FSTL4: variants seen among roughly 807,000 people sequenced by gnomAD.
FSTL4 encodes the protein follistatin like 4.
In FSTL4, 28 loss-of-function variants were observed where a neutral mutation model predicts 78.2. That is an observed-to-expected ratio of 0.36 (90% CI 0.27 to 0.49). The LOEUF (loss-of-function observed/expected upper bound fraction) is 0.49. Ranked by LOEUF, FSTL4 falls within the 20% of genes least tolerant of loss-of-function variation. The probability of loss-of-function intolerance (pLI) is 0.98; values close to 1 mark genes in which losing one functional copy is unlikely to be tolerated. For missense variants in FSTL4, 922 were observed against 1,084.9 expected, an observed-to-expected ratio of 0.85 and a Z score of 2.11; for synonymous variants, 422 against 440.5, an observed-to-expected ratio of 0.96 and a Z score of 0.53.
the FSTL4 span, among the ~76,000 whole-genome samples, chr5:133,806,758 T>G: frequency 6.6e-6 from 1 of 152,200 alleles, no homozygotes; most frequent in Non-Finnish European, 1.5e-5. Context: ...ATTACTGGTA[T>G]TAGCTTCTGG....
chr5:133,316,881 G>A (rs1325311170), intron 4 of FSTL4, among the ~76,000 whole-genome samples: 1 of 152,126 alleles, frequency 6.6e-6, no homozygotes. Context: ...AAATGCTGGA[G>A]GGAATCTGTC....
the FSTL4 span, among the ~76,000 whole-genome samples, chr5:133,815,338 T>C: frequency 6.6e-6 from 1 of 152,208 alleles, no homozygotes; most frequent in Non-Finnish European, 1.5e-5. Context: ...ATGATTTTTC[T>C]GGGAAGGGTG....
chr5:133,498,866 T>C (rs545850106), intron 3 of FSTL4, among the ~76,000 whole-genome samples: 166 of 152,234 alleles, frequency 1.1e-3, no homozygotes, highest in African/African-American at 3.8e-3. Context: ...CTGGGGCCTG[T>C]CTTCTGTGAG....
In FSTL4 at chr5:133,466,498, C is replaced by T. The variant is rs191441881; in HGVS notation, c.161-65512G>A. Among the ~76,000 whole-genome samples, 156 of 151,664 alleles carry T rather than the reference C, an allele frequency of 1.0e-3. 1 individual carries two copies. Among genetic ancestry groups the T allele is most frequent in the Middle Eastern group, 3.4e-3 (1 of 294 alleles). Reference sequence around the variant, plus strand: ...CGGAGCTTGCAGTGAGCCGAGATAGCGCCACTGCAGTCCGGCCTGGGCGAA... The same window carrying T: ...CGGAGCTTGCAGTGAGCCGAGATAGTGCCACTGCAGTCCGGCCTGGGCGAA... On this transcript the variant is annotated intron_variant, in intron 3 of 15. Coordinates refer to ENST00000265342, the MANE Select transcript of FSTL4 (RefSeq NM_015082.2).
chr5:133,565,368 G>C (rs1760004305), intron 3 of FSTL4, among the ~76,000 whole-genome samples: 1 of 152,160 alleles, frequency 6.6e-6, no homozygotes, highest in African/African-American at 2.4e-5. Flanking sequence ...AAAATACTTA[G>C]AACCAGCCGG....
At chr5:133,506,622 CG>C (rs35061793) in intron 3 of FSTL4, among the ~76,000 whole-genome samples, 3 of 152,120 alleles carry the variant, frequency 2.0e-5, no homozygotes, top group African/African-American at 7.2e-5. Context: ...ACCTCTGTAA[CG>C]GGGGAATAAT....
At chr5:133,741,149 G>C in the FSTL4 span, among the ~76,000 whole-genome samples, 1 of 152,222 alleles carries the variant, frequency 6.6e-6, no homozygotes, top group Non-Finnish European at 1.5e-5. Flanking sequence ...TAGGTTTCCA[G>C]ACACGCCTAT....
chr5:133,675,868 G>C, the FSTL4 span, among the ~76,000 whole-genome samples: 1 of 152,198 alleles, frequency 6.6e-6, no homozygotes, highest in African/African-American at 2.4e-5. Context: ...TCACTCCTGA[G>C]GCTAGCCAGG....
At chr5:133,380,511 G>A (rs1224792564) in intron 4 of FSTL4, among the ~76,000 whole-genome samples, 7 of 151,968 alleles carry the variant, frequency 4.6e-5, no homozygotes, top group Admixed American at 1.3e-4. Flanking sequence ...AACTATATAA[G>A]TAAAGAGATT....
chr5:133,281,811 G>T (rs1753015880), intron 6 of FSTL4, among the ~76,000 whole-genome samples: 1 of 152,120 alleles, frequency 6.6e-6, no homozygotes, highest in Non-Finnish European at 1.5e-5. Context: ...GCATGGGTTG[G>T]GTCTCAAAGG....
chr5:133,721,858 A>G, the FSTL4 span, among the ~76,000 whole-genome samples: 6 of 152,182 alleles, frequency 3.9e-5, no homozygotes, highest in African/African-American at 1.4e-4. Flanking sequence ...TTATTTTATT[A>G]AATAAGTTTT....
intron 3 of FSTL4, among the ~76,000 whole-genome samples, chr5:133,452,839 G>C (rs1757411300): frequency 6.6e-6 from 1 of 152,224 alleles, no homozygotes; most frequent in Non-Finnish European, 1.5e-5. Flanking sequence ...CAGCTCTGCT[G>C]TTCTCAGACT....
the FSTL4 span, among the ~76,000 whole-genome samples, chr5:133,639,048 T>C: frequency 2.0e-5 from 3 of 152,266 alleles, no homozygotes; most frequent in South Asian, 6.2e-4. Flanking sequence ...TGTGCCATGG[T>C]GGTTTGCTGC....
the FSTL4 span, among the ~76,000 whole-genome samples, chr5:133,629,881 A>G: frequency 6.6e-6 from 1 of 152,270 alleles, no homozygotes; most frequent in African/African-American, 2.4e-5. Flanking sequence ...CATGAACAGA[A>G]CCAATGACAA....
At chr5:133,786,367 T>G in the FSTL4 span, among the ~76,000 whole-genome samples, 1 of 152,236 alleles carries the variant, frequency 6.6e-6, no homozygotes. Context: ...TTCTGGCCCC[T>G]GCATAATTTA....
At chr5:133,663,303 G>T in the FSTL4 span, among the ~76,000 whole-genome samples, 1 of 152,198 alleles carries the variant, frequency 6.6e-6, no homozygotes, top group Non-Finnish European at 1.5e-5. Context: ...CACTGGTTTA[G>T]ACAAGGTATT....
Position 133,591,222 on chromosome 5 carries a change from A to C in FSTL4, c.126+12636T>G, listed in dbSNP as rs968001575. On this transcript the variant is annotated intron_variant, in intron 2 of 15. Transcript: ENST00000265342. ...GATAAGTTGGGCTTCTGAGCTGCCC[A>C]GCCACAGACAGGCCGGGTTGGTGAG... is the stretch of plus-strand genomic sequence containing the variant. 2.1e-4 allele frequency among the ~76,000 whole-genome samples: 32 copies of C among 152,278 alleles called. 1 individual carries two copies. Among genetic ancestry groups the C allele is most frequent in the Admixed American group, 1.8e-3 (28 of 15,302 alleles).
chr5:133,355,302 T>A (rs1754917896), intron 4 of FSTL4, among the ~76,000 whole-genome samples: 1 of 152,224 alleles, frequency 6.6e-6, no homozygotes, highest in South Asian at 2.1e-4. Context: ...TATGACTGAA[T>A]GTTTCTTTGG....
intron 2 of FSTL4, among the ~76,000 whole-genome samples, chr5:133,593,497 C>A (rs1199906506): frequency 6.6e-6 from 1 of 152,052 alleles, no homozygotes; most frequent in Admixed American, 6.5e-5. Flanking sequence ...ATGCAGGTGA[C>A]ACCTAGAGAC....
Sources: allele counts gnomAD v4.1 joint callset (sites outside exome capture counted in the v4.1 genomes callset), GRCh38; gene constraint gnomAD v4.1.1; transcripts MANE v1.5; gene names NCBI Gene and HGNC (gene_info 2026-07-23, HGNC 2026-07-21).